SPECC1: variants seen among roughly 807,000 people sequenced by gnomAD.
SPECC1 encodes cytospin-B.
In SPECC1, 62 loss-of-function variants were observed where a neutral mutation model predicts 104.1. That is an observed-to-expected ratio of 0.60 (90% confidence interval 0.49 to 0.74). SPECC1 has a LOEUF of 0.74. SPECC1 is among the 30% of genes least tolerant of loss of function. The pLI, the probability that SPECC1 is intolerant of heterozygous loss-of-function variation, is 0.00. For synonymous variants in SPECC1, 513 were observed against 501.6 expected, an observed-to-expected ratio of 1.02 and a Z score of -0.30; for missense variants, 1,306 against 1,310.5, an observed-to-expected ratio of 1.00 and a Z score of 0.05.
At chr17:20,179,883 C>T (rs553513808) in intron 3 of SPECC1, among the ~76,000 whole-genome samples, 53 of 152,172 alleles carry the variant, frequency 3.5e-4, no homozygotes, top group Non-Finnish European at 7.2e-4. Flanking sequence ...AGTAAGAATT[C>T]TTGGAAGGAT....
At chr17:20,032,021 G>C (rs996534811) in intron 1 of SPECC1, among the ~76,000 whole-genome samples, 19 of 152,168 alleles carry the variant, frequency 1.2e-4, no homozygotes, top group African/African-American at 2.9e-4. Context: ...ATTTTTGAAA[G>C]ACAGCTTTGT....
intron 1 of SPECC1, among the ~76,000 whole-genome samples, chr17:20,068,272 T>A (rs1213321918): frequency 6.6e-6 from 1 of 152,248 alleles, no homozygotes; most frequent in Non-Finnish European, 1.5e-5. Context: ...GTGTGGCTCC[T>A]TTTGTTCAAC....
At chr17:20,014,210 T>A (rs1355253000) in intron 1 of SPECC1, among the ~76,000 whole-genome samples, 1 of 152,228 alleles carries the variant, frequency 6.6e-6, no homozygotes, top group Non-Finnish European at 1.5e-5. Context: ...GAATTTGCAC[T>A]GTTTTGGTAC....
rs1433263883 is a variant in SPECC1, at chr17:20,227,432, A to T, written c.1883A>T (p.Tyr628Phe). Residue 628 changes from tyrosine to phenylalanine, a missense_variant, in exon 5 of 15, where the codon TAC becomes TTC. Tyr to Phe is a conservative substitution (Grantham distance 22). This residue lies in a region of SPECC1 where 1,177 missense variants were observed against 1,139.9 expected (regional missense o/e 1.03). Coordinates refer to ENST00000395527, the MANE Select transcript of SPECC1 (RefSeq NM_001243439.2). ...TTTTAGGTGGAAAAGGATTATTCAT[A>T]CCTGAAGGAGATATGTGATCACCAA... ...LLAKVEKDYSYLKEICDHQAE... is the reference protein window; with the variant it reads ...LLAKVEKDYSFLKEICDHQAE... 1 of 1,611,764 alleles carries T rather than the reference A, an allele frequency of 6.2e-7. No homozygotes were observed. The highest frequency in any genetic ancestry group is 8.5e-7 in the Non-Finnish European group (1 of 1,179,396).
In SPECC1 at chr17:20,227,384, C is replaced by G. The variant is rs760625063; in HGVS notation, c.1864-29C>G. 1.0e-5 allele frequency: 16 copies of G among 1,595,812 alleles called. No homozygotes were observed. The East Asian group carries it at 3.5e-4, about 34-fold the overall frequency. ...ACTGTGGGAATTTTTTTGTTGTTAA[C>G]TGACCAAGGAACCTTCCTTTTATTT... On this transcript the variant is annotated intron_variant, in intron 4 of 14. Transcript: ENST00000395527.
At chr17:20,156,205 C>T in intron 3 of SPECC1, 1 of 1,427,560 alleles carries the variant, frequency 7.0e-7, no homozygotes, top group African/African-American at 1.5e-5. Context: ...GCATGGGCAA[C>T]CACTCAGGAC....
intron 3 of SPECC1, among the ~76,000 whole-genome samples, chr17:20,131,098 CT>C (rs1314410315): frequency 2.6e-5 from 4 of 152,264 alleles, no homozygotes; most frequent in African/African-American, 9.6e-5. Context: ...GCTAAAGTCG[CT>C]TATTAGTTCT....
chr17:20,274,898 G>A (rs1027949281), intron 12 of SPECC1, among the ~76,000 whole-genome samples: 3 of 148,804 alleles, frequency 2.0e-5, no homozygotes, highest in African/African-American at 5.1e-5. Flanking sequence ...TTTTCTGTTC[G>A]TAATAACAGA....
chr17:20,241,211 T>C (rs188710698), intron 7 of SPECC1, among the ~76,000 whole-genome samples: 3 of 152,248 alleles, frequency 2.0e-5, no homozygotes, highest in Admixed American at 2.0e-4. Context: ...CTGTACCCAG[T>C]TTCTTCTCTG....
At chr17:20,047,600 T>C (rs1175332864) in intron 1 of SPECC1, among the ~76,000 whole-genome samples, 1 of 151,916 alleles carries the variant, frequency 6.6e-6, no homozygotes, top group Non-Finnish European at 1.5e-5. Context: ...ATCTCTCGTA[T>C]CTAACTTTTT....
chr17:20,218,272 C>A (rs2037635691), intron 4 of SPECC1, among the ~76,000 whole-genome samples: 1 of 152,072 alleles, frequency 6.6e-6, no homozygotes, highest in African/African-American at 2.4e-5. Flanking sequence ...GTCATTATTT[C>A]ACTTAACTGC....
At position 20,021,700 on chromosome 17, in the gene SPECC1, A is replaced by ATTT. The variant is rs1373881239; in HGVS notation, c.-22+12277_-22+12278insTTT. ...AATATAATAATATATATATATATAT[A>ATTT]TATTTTTTTGTACTTTTAGTAGAGA... On this transcript the variant is annotated intron_variant, in intron 1 of 14. Transcript: ENST00000395527. Among the ~76,000 whole-genome samples the ATTT allele has an allele frequency of 4.3e-3, 437 of 101,624 alleles. 3 individuals carry two copies. Among genetic ancestry groups the ATTT allele is most frequent in the African/African-American group, 0.013 (411 of 32,258 alleles). The allele number at this position is 101,624 out of a possible 152,430, so 66.7% of individuals were successfully genotyped here.
intron 1 of SPECC1, among the ~76,000 whole-genome samples, chr17:20,092,932 G>A (rs1057316681): frequency 6.6e-6 from 1 of 152,204 alleles, no homozygotes; most frequent in Non-Finnish European, 1.5e-5. Flanking sequence ...ATTATTCAGA[G>A]AGGCCATCCG....
intron 3 of SPECC1, among the ~76,000 whole-genome samples, chr17:20,110,780 G>A (rs918762032): frequency 2.6e-5 from 4 of 152,134 alleles, no homozygotes; most frequent in African/African-American, 7.2e-5. Flanking sequence ...AACTGGGCGT[G>A]CTGTGGTTTC....
intron 1 of SPECC1, among the ~76,000 whole-genome samples, chr17:20,075,487 A>G (rs1364227489): frequency 1.3e-5 from 2 of 152,172 alleles, no homozygotes; most frequent in African/African-American, 4.8e-5. Flanking sequence ...TTAATCCCAC[A>G]CTTTAAAGCA....
intron 3 of SPECC1, among the ~76,000 whole-genome samples, chr17:20,201,451 A>T (rs2036429074): frequency 6.6e-6 from 1 of 152,206 alleles, no homozygotes; most frequent in South Asian, 2.1e-4. Context: ...ATTGCATTCC[A>T]GCCTGGGCAA....
chr17:20,096,147 A>G (rs1176233551), intron 1 of SPECC1: 2 of 152,282 alleles, frequency 1.3e-5, no homozygotes, highest in Non-Finnish European at 2.9e-5. Context: ...TATGATACCC[A>G]TTTTTATCCA....
chr17:20,017,788 T>C (rs1260667428), intron 1 of SPECC1, among the ~76,000 whole-genome samples: 1 of 152,234 alleles, frequency 6.6e-6, no homozygotes, highest in Non-Finnish European at 1.5e-5. Flanking sequence ...ACATACCAAC[T>C]GCTTGCTCTT....
At chr17:20,194,755 C>T (rs1222260554) in intron 3 of SPECC1, among the ~76,000 whole-genome samples, 2 of 151,896 alleles carry the variant, frequency 1.3e-5, no homozygotes, top group African/African-American at 2.4e-5. Context: ...CCACCCGCCT[C>T]GGCCTCCCAA....
Sources: gnomAD v4.1 joint callset for allele counts (sites outside exome capture counted in the v4.1 genomes callset) on GRCh38, gnomAD v4.1.1 for gene constraint, gnomAD v4.1.1 regional missense constraint, MANE v1.5 for transcripts, NCBI Gene and HGNC (gene_info 2026-07-23, HGNC 2026-07-21) for gene names.